TSNARE1: variants seen among roughly 807,000 people sequenced by gnomAD.
TSNARE1 encodes t-SNARE domain-containing protein 1.
TSNARE1 carries 49 observed loss-of-function variants against 62.0 expected under a neutral mutation model. The ratio of observed to expected loss-of-function variants is 0.79; its 90% CI spans 0.63 to 1.00. The LOEUF (loss-of-function observed/expected upper bound fraction) is 1.00. Among genes scored for constraint, TSNARE1 ranks in the 50% least tolerant of loss-of-function variants. TSNARE1 has a pLI of 0.00. For synonymous variants in TSNARE1, 328 were observed against 294.4 expected (o/e 1.11, Z -1.17); for missense variants, 755 against 700.1 (o/e 1.08, Z -0.88).
intron 11 of TSNARE1, chr8:142,277,545 C>T: frequency 2.0e-6 from 2 of 985,476 alleles, no homozygotes; most frequent in South Asian, 4.7e-5. Flanking sequence ...ATGCCCCCAC[C>T]CTGTCCTCAG....
chr8:142,274,934 A>T (rs978567893), intron 11 of TSNARE1, 71 bp from the exon 12 acceptor site: 4 of 1,420,082 alleles, frequency 2.8e-6, no homozygotes, highest in Non-Finnish European at 3.7e-6. Context: ...GACACCCCCC[A>T]AAGGCAAGCC....
chr8:142,300,333 G>A, intron 10 of TSNARE1, 153 bp downstream of exon 10: 2 of 802,710 alleles, frequency 2.5e-6, no homozygotes, highest in Non-Finnish European at 3.7e-6. Context: ...GCCAGAGAGA[G>A]GTGGTTAGAA....
intron 12 of TSNARE1, among the ~76,000 whole-genome samples, chr8:142,262,505 T>G (rs1369108756): frequency 3.3e-5 from 5 of 152,206 alleles, no homozygotes; most frequent in African/African-American, 1.2e-4. Flanking sequence ...GGTTTGGATG[T>G]GTGTACCCGC....
intron 1 of TSNARE1, among the ~76,000 whole-genome samples, chr8:142,383,787 C>A (rs371701936): frequency 6.6e-6 from 1 of 152,222 alleles, no homozygotes; most frequent in African/African-American, 2.4e-5. Context: ...CATATTTTTC[C>A]TATTTCCTTC....
chr8:142,232,495 G>A (rs922005318), intron 12 of TSNARE1, among the ~76,000 whole-genome samples: 1 of 152,250 alleles, frequency 6.6e-6, no homozygotes, highest in African/African-American at 2.4e-5. Flanking sequence ...GGCGGCCGCA[G>A]GGAGGCAAGG....
intron 2 of TSNARE1, among the ~76,000 whole-genome samples, chr8:142,353,992 A>C (rs530358554): frequency 3.3e-5 from 5 of 152,146 alleles, no homozygotes; most frequent in African/African-American, 1.2e-4. Context: ...CCTGACCCAG[A>C]CATCACCTAC....
At chr8:142,278,636 T>A (rs2130720237) in intron 11 of TSNARE1, 1 of 985,402 alleles carries the variant, frequency 1.0e-6, no homozygotes, top group African/African-American at 1.7e-5. Context: ...AGAGCCAGCG[T>A]CACCCTTGGA....
chr8:142,233,347 G>A (rs1347395367), intron 12 of TSNARE1, among the ~76,000 whole-genome samples: 1 of 152,118 alleles, frequency 6.6e-6, no homozygotes, highest in Non-Finnish European at 1.5e-5. Context: ...GATGGTCAAG[G>A]CCGAGAAGCC....
intron 2 of TSNARE1, among the ~76,000 whole-genome samples, chr8:142,346,720 C>T (rs961256188): frequency 1.3e-5 from 2 of 152,232 alleles, no homozygotes; most frequent in Non-Finnish European, 2.9e-5. Context: ...GCCACATCCG[C>T]GGCCTCCAGG....
At chr8:142,239,357 G>A (rs1372141803) in intron 12 of TSNARE1, among the ~76,000 whole-genome samples, 1 of 152,192 alleles carries the variant, frequency 6.6e-6, no homozygotes, top group African/African-American at 2.4e-5. Flanking sequence ...CCTGGAGAGT[G>A]TGAACTAAAA....
At chr8:142,301,609 A>G (rs1250214893) in intron 9 of TSNARE1, among the ~76,000 whole-genome samples, 1 of 152,196 alleles carries the variant, frequency 6.6e-6, no homozygotes, top group Non-Finnish European at 1.5e-5. Context: ...GTGGTTATGC[A>G]TGTGTGACTG....
chr8:142,285,219 A>G (rs1282275330), intron 10 of TSNARE1, among the ~76,000 whole-genome samples: 1 of 108,956 alleles, frequency 9.2e-6, no homozygotes, highest in Admixed American at 9.2e-5. Flanking sequence ...TGGACAGATG[A>G]ATGGGTGGAT....
intron 12 of TSNARE1, chr8:142,273,201 C>T (rs1167023766): frequency 2.0e-6 from 2 of 985,090 alleles, no homozygotes; most frequent in African/African-American, 1.7e-5. Flanking sequence ...TTCACCTCCT[C>T]CTCTTCCTCA....
At chr8:142,361,436 C>T (rs533509685) in intron 1 of TSNARE1, among the ~76,000 whole-genome samples, 19 of 152,316 alleles carry the variant, frequency 1.2e-4, no homozygotes, top group Admixed American at 5.2e-4. Flanking sequence ...CCAGGACACA[C>T]GGCAGCAGAG....
intron 12 of TSNARE1, among the ~76,000 whole-genome samples, chr8:142,230,582 TA>T (rs1415945356): frequency 1.3e-5 from 2 of 151,958 alleles, no homozygotes; most frequent in Non-Finnish European, 2.9e-5. Context: ...GGCAGGGGCC[TA>T]GGGGAGGGTA....
At chr8:142,388,783 C>G (rs1837287003) in intron 1 of TSNARE1, among the ~76,000 whole-genome samples, 1 of 152,046 alleles carries the variant, frequency 6.6e-6, no homozygotes, top group African/African-American at 2.4e-5. Context: ...GTCTCAAACT[C>G]CTGGTCTCAA....
chr8:142,378,319 AG>A (rs1182171886), intron 1 of TSNARE1, among the ~76,000 whole-genome samples: 2 of 152,340 alleles, frequency 1.3e-5, no homozygotes, highest in African/African-American at 4.8e-5. Flanking sequence ...AGAAAATTCT[AG>A]AACAGGCAAA....
At chr8:142,343,804 G>GGAGGAGGAGGGAA (rs1832952773) in intron 4 of TSNARE1, among the ~76,000 whole-genome samples, 162 bp downstream of exon 4, 1 of 71,106 alleles carries the variant, frequency 1.4e-5, no homozygotes, top group African/African-American at 1.4e-4. Flanking sequence ...AGGGGGAGGA[G>GGAGGAGGAGGGAA]GAGGAGGAGG....
chr8:142,306,890 A>G (rs1190901272), intron 9 of TSNARE1, among the ~76,000 whole-genome samples: 1 of 152,194 alleles, frequency 6.6e-6, no homozygotes, highest in Non-Finnish European at 1.5e-5. Context: ...ATGACTGCTC[A>G]CAAAGGAAAC....
Sources: gnomAD v4.1 joint callset for allele counts (sites outside exome capture counted in the v4.1 genomes callset) on GRCh38, gnomAD v4.1.1 for gene constraint, MANE v1.5 for transcripts, NCBI Gene and HGNC (gene_info 2026-07-23, HGNC 2026-07-21) for gene names.